C2CD5: variants seen among roughly 807,000 people sequenced by gnomAD.
The protein encoded by C2CD5 is C2 calcium dependent domain containing 5.
Under a neutral mutation model 130.3 loss-of-function variants are expected in C2CD5, and 109 were observed. The observed-to-expected ratio is 0.84, with a 90% confidence interval of 0.72 to 0.98. The LOEUF (loss-of-function observed/expected upper bound fraction) is 0.98. C2CD5 is among the 50% of genes least tolerant of loss of function. The probability of loss-of-function intolerance (pLI) is 0.00; values close to 1 mark genes in which losing one functional copy is unlikely to be tolerated. For synonymous variants in C2CD5, 454 were observed against 429.2 expected (o/e 1.06, Z -0.71); for missense variants, 996 against 1,261.8 (o/e 0.79, Z 3.19).
intron 23 of C2CD5, 99 bp downstream of exon 23, chr12:22,459,393 T>A: frequency 1.4e-6 from 1 of 723,802 alleles, no homozygotes; most frequent in Non-Finnish European, 2.4e-6. Flanking sequence ...GTCTATTCCA[T>A]ATTGTCCAGT....
rs776223823 is a variant in C2CD5, at chr12:22,449,718, T to G, written c.*42A>C. 1 of 1,508,650 alleles carries G rather than the reference T, an allele frequency of 6.6e-7. No individual in the cohort carries two copies. 93.5% of individuals were successfully genotyped at this position (1,508,650 alleles called of 1,614,324 possible). The stretch of plus-strand genomic sequence containing the variant: ...TAATTAATGACAAAATAACAGAGAT[T>G]GATGAATTTCATTTAGTTGAGCTCT... On this transcript the variant is annotated 3_prime_UTR_variant, in exon 27 of 27. Coordinates refer to ENST00000446597, the MANE Select transcript of C2CD5 (RefSeq NM_001286176.2).
intron 2 of C2CD5, among the ~76,000 whole-genome samples, chr12:22,537,575 C>T (rs1283967602): frequency 1.3e-5 from 2 of 152,160 alleles, no homozygotes; most frequent in Non-Finnish European, 2.9e-5. Context: ...TGTTAAAGAA[C>T]ATCAGGGATT....
intron 22 of C2CD5, among the ~76,000 whole-genome samples, chr12:22,466,766 T>C (rs1480324842): frequency 6.6e-6 from 1 of 152,248 alleles, no homozygotes; most frequent in African/African-American, 2.4e-5. Context: ...TTTAAGTGTT[T>C]ACTGATTATT....
chr12:22,460,737 C>T (rs1940971048), intron 22 of C2CD5: 1 of 151,250 alleles, frequency 6.6e-6, no homozygotes, highest in East Asian at 1.9e-4. Context: ...ACCACCACGC[C>T]CGACTAATTT....
chr12:22,531,156 A>T (rs10505882), intron 3 of C2CD5, among the ~76,000 whole-genome samples: 23,932 of 152,092 alleles, frequency 0.16, 3,791 homozygotes, highest in African/African-American at 0.41. Flanking sequence ...ATTTTTTGAC[A>T]CATATATTCC....
At chr12:22,451,974 T>A (rs1377365532) in intron 26 of C2CD5, among the ~76,000 whole-genome samples, 1 of 152,158 alleles carries the variant, frequency 6.6e-6, no homozygotes, top group Non-Finnish European at 1.5e-5. Flanking sequence ...CCAATTTTTA[T>A]CCCAATGTTA....
intron 13 of C2CD5, among the ~76,000 whole-genome samples, chr12:22,483,417 T>C (rs2136319703): frequency 6.6e-6 from 1 of 152,154 alleles, no homozygotes; most frequent in Middle Eastern, 3.4e-3. Context: ...GGACAGTAAT[T>C]AGACTAATAG....
At chr12:22,532,176 C>G (rs1004105562) in intron 3 of C2CD5, among the ~76,000 whole-genome samples, 1 of 151,856 alleles carries the variant, frequency 6.6e-6, no homozygotes, top group African/African-American at 2.4e-5. Flanking sequence ...ACTAAAAATA[C>G]AAAATTAGCC....
intron 3 of C2CD5, among the ~76,000 whole-genome samples, chr12:22,528,152 A>T (rs779264893): frequency 4.6e-5 from 7 of 151,968 alleles, no homozygotes; most frequent in Non-Finnish European, 7.4e-5. Context: ...TTAAATCTCA[A>T]TTTTTTTTAC....
intron 12 of C2CD5, 130 bp from the exon 13 acceptor site, chr12:22,485,018 C>T (rs571975627): frequency 2.3e-6 from 1 of 431,974 alleles, no homozygotes; most frequent in Non-Finnish European, 4.0e-6. Flanking sequence ...CTGTAGGCTA[C>T]AAAAGTACCA....
rs1392315246 is a variant in C2CD5, at chr12:22,526,851, T to C, written c.349+870A>G. ...AAATTCATACTTATGGTGGAAGACT[T>C]AAGAAAACTGACTCAATAATTTACC... On this transcript the variant is annotated intron_variant, in intron 4 of 26. Coordinates refer to ENST00000446597, the MANE Select transcript of C2CD5 (RefSeq NM_001286176.2). Among the ~76,000 whole-genome samples, 3 of 152,208 alleles carry C rather than the reference T, an allele frequency of 2.0e-5. No homozygotes were observed. The East Asian group carries it at 5.8e-4, about 29-fold the overall frequency.
intron 15 of C2CD5, chr12:22,478,029 TCACACACA>T (rs376381318): frequency 6.5e-6 from 2 of 309,534 alleles, no homozygotes; most frequent in African/African-American, 2.5e-5. Context: ...ACACACACAC[TCACACACA>T]CACACACTCA....
chr12:22,458,502 G>C lies in C2CD5; in HGVS notation c.2668C>G (p.Arg890Gly). ...CGCCTACTTGTCTTAATTGATCCAC[G>C]CCTTATGGTCTGAGCTTTCAGTTTA... ...LIKLKAQTIR[R>G]GSIKTTMTVE... Residue 890 changes from arginine (R) to glycine (G), a missense_variant, in exon 24 of 27, where the codon CGT becomes GGT. Transcript: ENST00000446597. 7.8e-7 allele frequency: 1 copy of C among 1,281,920 alleles called. No individual in the cohort carries two copies. Among genetic ancestry groups the C allele is most frequent in the Non-Finnish European group, 9.9e-7 (1 of 1,010,844 alleles). 79.4% of individuals were successfully genotyped at this position (1,281,920 alleles called of 1,614,324 possible).
chr12:22,486,961 T>A (rs1274776297), intron 12 of C2CD5, among the ~76,000 whole-genome samples: 1 of 152,174 alleles, frequency 6.6e-6, no homozygotes, highest in Admixed American at 6.5e-5. Flanking sequence ...GGGAAAGGAT[T>A]CCCTATTTAA....
intron 3 of C2CD5, among the ~76,000 whole-genome samples, chr12:22,534,197 A>G (rs1951604979): frequency 6.6e-6 from 1 of 152,212 alleles, no homozygotes; most frequent in Admixed American, 6.5e-5. Flanking sequence ...ATTAAAAGAA[A>G]GGAATGAAGT....
chr12:22,468,248 T>TCC (rs1942439030), intron 22 of C2CD5, among the ~76,000 whole-genome samples: 1 of 152,048 alleles, frequency 6.6e-6, no homozygotes, highest in Non-Finnish European at 1.5e-5. Context: ...AGAGAGGGTC[T>TCC]CCCCCTATCG....
intron 12 of C2CD5, among the ~76,000 whole-genome samples, 153 bp downstream of exon 12, chr12:22,489,970 G>A (rs566615468): frequency 6.6e-6 from 1 of 152,230 alleles, no homozygotes; most frequent in African/African-American, 2.4e-5. Context: ...GTTACTACGG[G>A]TTAGTTAAAA....
At chr12:22,459,123 T>C (rs1940579084) in intron 23 of C2CD5, among the ~76,000 whole-genome samples, 2 of 152,162 alleles carry the variant, frequency 1.3e-5, no homozygotes, top group South Asian at 2.1e-4. Context: ...TTTTTGTTAA[T>C]GTTTTGTTTC....
chr12:22,506,634 T>C (rs1948573494), intron 10 of C2CD5, 77 bp downstream of exon 10: 1 of 861,754 alleles, frequency 1.2e-6, no homozygotes, highest in Admixed American at 2.1e-5. Flanking sequence ...TAGATTTGGC[T>C]TTAAAAAAAT....
Sources: gnomAD v4.1 joint callset for allele counts (sites outside exome capture counted in the v4.1 genomes callset) on GRCh38, gnomAD v4.1.1 for gene constraint, MANE v1.5 for transcripts, NCBI Gene and HGNC (gene_info 2026-07-23, HGNC 2026-07-21) for gene names.